GTF3C1: variants seen among roughly 807,000 people sequenced by gnomAD.
The protein encoded by GTF3C1 is general transcription factor 3C polypeptide 1.
GTF3C1 carries 57 observed loss-of-function variants against 226.7 expected under a neutral mutation model. That is an observed-to-expected ratio of 0.25 (90% CI 0.20 to 0.31). The LOEUF (loss-of-function observed/expected upper bound fraction) is 0.31. Ranked by LOEUF, GTF3C1 falls within the 10% of genes least tolerant of loss-of-function variation. The pLI, the probability that GTF3C1 is intolerant of heterozygous loss-of-function variation, is 1.00. For synonymous variants in GTF3C1, 1,090 were observed against 1,084.8 expected, an observed-to-expected ratio of 1.00 and a Z score of -0.09; for missense variants, 2,217 against 2,776.1, an observed-to-expected ratio of 0.80 and a Z score of 4.53.
intron 6 of GTF3C1, among the ~76,000 whole-genome samples, chr16:27,516,533 G>A (rs774863119): frequency 5.9e-5 from 9 of 152,328 alleles, no homozygotes; most frequent in Non-Finnish European, 1.0e-4. Flanking sequence ...TTCTGTATCC[G>A]CCCGGCAAAT....
chr16:27,546,236 G>A (rs952969799), intron 1 of GTF3C1, among the ~76,000 whole-genome samples: 1 of 151,782 alleles, frequency 6.6e-6, no homozygotes, highest in Non-Finnish European at 1.5e-5. Context: ...TTGCATTACC[G>A]CCTGCATGTT....
In GTF3C1 at chr16:27,479,178, T is replaced by C. The variant is rs530488931; in HGVS notation, c.4197-647A>G. 1.2e-4 allele frequency among the ~76,000 whole-genome samples: 19 copies of C among 152,336 alleles called. No individual in the cohort carries two copies. In the South Asian group the frequency reaches 3.1e-3, roughly 25 times the overall value. Reference sequence around the variant, plus strand: ...ATGTTGGTTAACTTGACTTCATCCTTCCTCAATGAACACATATATTAAAAC... The same window carrying C: ...ATGTTGGTTAACTTGACTTCATCCTCCCTCAATGAACACATATATTAAAAC... On this transcript the variant is annotated intron_variant, in intron 27 of 36. Coordinates refer to ENST00000356183, the MANE Select transcript of GTF3C1 (RefSeq NM_001520.4).
Position 27,464,435 on chromosome 16 carries a change from G to C in GTF3C1, c.5757C>G (p.Thr1919=), listed in dbSNP as rs139963948. ...APSPPPALED[T]AAAGAAQEDQ... The stretch of plus-strand genomic sequence containing the variant: ...CTTCCTGTGCTGCTCCCGCTGCAGC[G>C]GTGTCTTCAAGAGCTGGGGGTGGAG... Residue 1919 remains threonine (T), a synonymous_variant, in exon 34 of 37, where the codon ACC becomes ACG. Transcript: ENST00000356183. 50 of 1,602,998 alleles carry C rather than the reference G, an allele frequency of 3.1e-5. No individual in the cohort carries two copies. Among genetic ancestry groups the C allele is most frequent in the Non-Finnish European group, 4.3e-5 (50 of 1,174,694 alleles).
At chr16:27,521,902 T>A (rs1408022194) in intron 6 of GTF3C1, among the ~76,000 whole-genome samples, 3 of 152,176 alleles carry the variant, frequency 2.0e-5, no homozygotes, top group Non-Finnish European at 4.4e-5. Context: ...AATTCCAGTT[T>A]TTTGGTTTCA....
At chr16:27,539,259 T>TG (rs2089048085) in intron 2 of GTF3C1, among the ~76,000 whole-genome samples, 1 of 152,138 alleles carries the variant, frequency 6.6e-6, no homozygotes, top group Admixed American at 6.5e-5. Flanking sequence ...ACTTCACTGT[T>TG]GAAGGCCAGA....
intron 6 of GTF3C1, among the ~76,000 whole-genome samples, chr16:27,518,145 C>A (rs80273736): frequency 6.6e-6 from 1 of 152,144 alleles, no homozygotes; most frequent in South Asian, 2.1e-4. Context: ...GCCAGGCAGA[C>A]GTCATGTAAA....
At chr16:27,495,590 G>C (rs931645855) in intron 14 of GTF3C1, 98 bp from the exon 15 acceptor site, 15 of 1,130,080 alleles carry the variant, frequency 1.3e-5, no homozygotes, top group Non-Finnish European at 1.9e-5. Flanking sequence ...TGTGCCAGGG[G>C]CCAGAAAGAT....
chr16:27,509,599 T>C (rs1596642993), intron 7 of GTF3C1, among the ~76,000 whole-genome samples: 1 of 150,970 alleles, frequency 6.6e-6, no homozygotes, highest in Non-Finnish European at 1.5e-5. Context: ...CTACTAAAAA[T>C]ACAAAAAAAT....
chr16:27,520,604 T>C (rs1001896452), intron 6 of GTF3C1, among the ~76,000 whole-genome samples: 1 of 152,208 alleles, frequency 6.6e-6, no homozygotes, highest in Non-Finnish European at 1.5e-5. Context: ...CAATAGTACA[T>C]GTGGGGGTTT....
intron 28 of GTF3C1, among the ~76,000 whole-genome samples, chr16:27,477,548 G>A (rs903057168): frequency 2.0e-5 from 3 of 152,150 alleles, no homozygotes; most frequent in Non-Finnish European, 2.9e-5. Context: ...CAGGTGATCC[G>A]CCGGCAGCGC....
chr16:27,501,380 T>A, intron 11 of GTF3C1, 36 bp from the exon 12 acceptor site: 1 of 1,602,202 alleles, frequency 6.2e-7, no homozygotes, highest in Non-Finnish European at 8.5e-7. Context: ...ACACTCCCAA[T>A]CTCAACATGG....
intron 10 of GTF3C1, among the ~76,000 whole-genome samples, chr16:27,504,475 C>T (rs2088453938): frequency 6.6e-6 from 1 of 152,214 alleles, no homozygotes; most frequent in African/African-American, 2.4e-5. Context: ...CAACGCCACG[C>T]CCCATCACCT....
rs2087949805 is a variant in GTF3C1, at chr16:27,476,356, A to G, written c.4353+95T>C. The G allele has an allele frequency of 2.1e-5, 15 of 730,192 alleles. No homozygotes were observed. In the South Asian group the frequency reaches 2.2e-4, roughly 11 times the overall value. 45.2% of individuals were successfully genotyped at this position (730,192 alleles called of 1,614,324 possible). A position where few individuals can be genotyped will look rare whatever the true frequency, so the allele number is the denominator to read the frequency against. ...GGCATTTTGGGGGAATCAGCCCAAG[A>G]GCCCACAGCGGAGAAGGGCAGGGGC... On this transcript the variant is annotated intron_variant, in intron 29 of 36. Transcript: ENST00000356183.
At chr16:27,532,710 C>T (rs1240893639) in intron 5 of GTF3C1, among the ~76,000 whole-genome samples, 5 of 152,166 alleles carry the variant, frequency 3.3e-5, no homozygotes, top group Admixed American at 2.6e-4. Flanking sequence ...AGCTTGATTA[C>T]AGAAGTAAAC....
At chr16:27,496,987 G>A (rs182273412) in intron 14 of GTF3C1, among the ~76,000 whole-genome samples, 93 of 152,346 alleles carry the variant, frequency 6.1e-4, no homozygotes, top group Non-Finnish European at 1.1e-3. Flanking sequence ...TGCAGCCCTA[G>A]GAAAGGGAAG....
At position 27,492,839 on chromosome 16, in the gene GTF3C1, C is replaced by T; in HGVS notation, c.2877-126G>A. On this transcript the variant is annotated intron_variant, in intron 17 of 36. Transcript: ENST00000356183. This position sits in a 1 kb window ranked among gnomAD's most constrained non-coding sequence, Gnocchi z 5.0. ...TTCCACCTGGTGGTCACTGGAGGAC[C>T]AGCCTCAAGCCCACACTGCACTAAG... is the stretch of plus-strand genomic sequence containing the variant. 1.5e-6 allele frequency: 1 copy of T among 679,262 alleles called. No individual in the cohort carries two copies. Among genetic ancestry groups the T allele is most frequent in the Non-Finnish European group, 2.7e-6 (1 of 376,346 alleles). 42.1% of individuals were successfully genotyped at this position (679,262 alleles called of 1,614,324 possible). A position where few individuals can be genotyped will look rare whatever the true frequency, so the allele number is the denominator to read the frequency against.
At chr16:27,479,883 T>C (rs1474141151) in intron 27 of GTF3C1, among the ~76,000 whole-genome samples, 2 of 152,174 alleles carry the variant, frequency 1.3e-5, no homozygotes, top group Admixed American at 1.3e-4. Context: ...GGCTCTCCTT[T>C]AAAAATCTCT....
Position 27,507,937 on chromosome 16 carries a change from G to T in GTF3C1, c.1242+603C>A, listed in dbSNP as rs1328106595. ...AGCACTGCTTTGTCTGAAGCACGTG[G>T]ACAGAGAGTGGCCAGCCCCAGCTGA... On this transcript the variant is annotated intron_variant, in intron 8 of 36. Coordinates refer to ENST00000356183, the MANE Select transcript of GTF3C1 (RefSeq NM_001520.4). This position sits in a 1 kb window ranked among gnomAD's most constrained non-coding sequence, Gnocchi z 4.9. Among the ~76,000 whole-genome samples, 3 of 152,278 alleles carry T rather than the reference G, an allele frequency of 2.0e-5. No individual in the cohort carries two copies. Among genetic ancestry groups the T allele is most frequent in the African/African-American group, 7.2e-5 (3 of 41,480 alleles).
rs2088242942 is a variant in GTF3C1, at chr16:27,492,205, T to C, written c.3151+133A>G. 2 of 620,646 alleles carry C rather than the reference T, an allele frequency of 3.2e-6. No homozygotes were observed. Among genetic ancestry groups the C allele is most frequent in the Non-Finnish European group, 5.7e-6 (2 of 349,700 alleles). The allele number at this position is 620,646 out of a possible 1,614,324, so 38.4% of individuals were successfully genotyped here. A position where few individuals can be genotyped will look rare whatever the true frequency, so the allele number is the denominator to read the frequency against. On this transcript the variant is annotated intron_variant, in intron 19 of 36. Coordinates refer to ENST00000356183, the MANE Select transcript of GTF3C1 (RefSeq NM_001520.4). This position sits in a 1 kb window ranked among gnomAD's most constrained non-coding sequence, Gnocchi z 5.0. ...CTTTCCAAGGGAGCCCCAGGGGTGCTCTGGGCCTCTGGGGAGCACTCGGAA... is the reference window on the plus strand; with the variant it reads ...CTTTCCAAGGGAGCCCCAGGGGTGCCCTGGGCCTCTGGGGAGCACTCGGAA...
Sources: gnomAD v4.1 joint callset for allele counts (sites outside exome capture counted in the v4.1 genomes callset) on GRCh38, gnomAD v4.1.1 for gene constraint, Gnocchi (gnomAD v3.1) non-coding constraint, MANE v1.5 for transcripts, NCBI Gene and HGNC (gene_info 2026-07-23, HGNC 2026-07-21) for gene names.